AKR1C8: variants seen among roughly 807,000 people sequenced by gnomAD.
AKR1C8 encodes aldo-keto reductase family 1 member C8.
chr10:5,141,505 T>G, the AKR1C8 span, among the ~76,000 whole-genome samples: 1 of 152,172 alleles, frequency 6.6e-6, no homozygotes, highest in African/African-American at 2.4e-5. Flanking sequence ...TTTCCTAGAT[T>G]CATCAGAAGA....
chr10:5,166,565 T>G, the AKR1C8 span, among the ~76,000 whole-genome samples: 1 of 152,138 alleles, frequency 6.6e-6, no homozygotes, highest in East Asian at 1.9e-4. Flanking sequence ...TAAATGATGC[T>G]GGGAAAAGTG....
the AKR1C8 span, among the ~76,000 whole-genome samples, chr10:5,169,461 GATTA>G: frequency 2.0e-5 from 3 of 152,256 alleles, no homozygotes; most frequent in South Asian, 6.2e-4. Flanking sequence ...TTTTGGAAAA[GATTA>G]ATTAAGCTGG....
At chr10:5,143,725 T>TATA in the AKR1C8 span, among the ~76,000 whole-genome samples, 1 of 148,110 alleles carries the variant, frequency 6.8e-6, no homozygotes, top group Non-Finnish European at 1.5e-5. Context: ...ATATATATTA[T>TATA]ATATAATATC....
the AKR1C8 span, among the ~76,000 whole-genome samples, chr10:5,179,624 C>T: frequency 5.8e-4 from 86 of 147,730 alleles, no homozygotes; most frequent in African/African-American, 1.7e-3. Context: ...ACCAATCAGA[C>T]GTAGATTTGG....
At chr10:5,140,854 GA>G in the AKR1C8 span, among the ~76,000 whole-genome samples, 1 of 151,848 alleles carries the variant, frequency 6.6e-6, no homozygotes, top group African/African-American at 2.4e-5. Context: ...AAGAAAGAAA[GA>G]AATTATTCCC....
At chr10:5,130,529 A>G in the AKR1C8 span, among the ~76,000 whole-genome samples, 4 of 151,966 alleles carry the variant, frequency 2.6e-5, no homozygotes, top group Non-Finnish European at 2.9e-5. Context: ...ACAAAACCCT[A>G]AAGACTCATC....
chr10:5,155,897 T>G, the AKR1C8 span: 1 of 350,868 alleles, frequency 2.9e-6, no homozygotes, highest in South Asian at 2.4e-5. Flanking sequence ...CAGGTGCATG[T>G]GGCTTGAGAC....
chr10:5,181,412 G>C, the AKR1C8 span, among the ~76,000 whole-genome samples: 1 of 152,078 alleles, frequency 6.6e-6, no homozygotes, highest in Non-Finnish European at 1.5e-5. Flanking sequence ...AATGACTTAT[G>C]GTAATCTGAA....
chr10:5,175,496 T>G, the AKR1C8 span, among the ~76,000 whole-genome samples: 37,370 of 151,972 alleles, frequency 0.25, 4,758 homozygotes, highest in African/African-American at 0.29. Flanking sequence ...TACCCAGTAA[T>G]GGGATGGCTA....
At chr10:5,180,274 G>C in the AKR1C8 span, among the ~76,000 whole-genome samples, 1 of 152,330 alleles carries the variant, frequency 6.6e-6, no homozygotes, top group South Asian at 2.1e-4. Flanking sequence ...CCGCAGCAGA[G>C]ATTGCAGAAC....
chr10:5,133,302 T>C, the AKR1C8 span, among the ~76,000 whole-genome samples: 3 of 152,126 alleles, frequency 2.0e-5, no homozygotes, highest in South Asian at 2.1e-4. Flanking sequence ...TTCGCTATGT[T>C]GCCCAGGCTC....
the AKR1C8 span, among the ~76,000 whole-genome samples, chr10:5,170,778 A>G: frequency 6.6e-6 from 1 of 152,162 alleles, no homozygotes; most frequent in African/African-American, 2.4e-5. Flanking sequence ...CCTTGGTAAA[A>G]TAACCAGTTT....
the AKR1C8 span, chr10:5,123,307 G>A: frequency 7.9e-6 from 2 of 253,484 alleles, no homozygotes; most frequent in Admixed American, 4.2e-5. Flanking sequence ...GTTCATTGGA[G>A]CTCTTGACCA....
the AKR1C8 span, among the ~76,000 whole-genome samples, chr10:5,149,316 AATTT>A: frequency 6.6e-6 from 1 of 152,114 alleles, no homozygotes; most frequent in Non-Finnish European, 1.5e-5. Context: ...TGATAGAAAC[AATTT>A]ATTTGCAAAA....
At chr10:5,138,870 T>C in the AKR1C8 span, among the ~76,000 whole-genome samples, 8 of 152,102 alleles carry the variant, frequency 5.3e-5, no homozygotes, top group African/African-American at 1.9e-4. Context: ...AGTCAAATTG[T>C]CCCTGTTTGC....
the AKR1C8 span, among the ~76,000 whole-genome samples, chr10:5,136,294 T>C: frequency 6.6e-6 from 1 of 152,304 alleles, no homozygotes; most frequent in South Asian, 2.1e-4. Context: ...ACACCCGTAA[T>C]CCCAGCACTT....
the AKR1C8 span, among the ~76,000 whole-genome samples, chr10:5,173,441 G>A: frequency 6.6e-6 from 1 of 151,962 alleles, no homozygotes; most frequent in Admixed American, 6.6e-5. Flanking sequence ...AGGCTTGGAG[G>A]CAGGAGGAAC....
At chr10:5,173,490 G>A in the AKR1C8 span, among the ~76,000 whole-genome samples, 5 of 151,992 alleles carry the variant, frequency 3.3e-5, no homozygotes, top group Admixed American at 6.6e-5. Flanking sequence ...AGAAGCAGAT[G>A]CAAAGGCATG....
chr10:5,151,106 G>A, the AKR1C8 span, among the ~76,000 whole-genome samples: 1 of 152,052 alleles, frequency 6.6e-6, no homozygotes, highest in Non-Finnish European at 1.5e-5. Flanking sequence ...GTTCATGGGT[G>A]GGGGGCACAA....
Sources: gnomAD v4.1 joint callset for allele counts (sites outside exome capture counted in the v4.1 genomes callset) on GRCh38, gnomAD v4.1.1 for gene constraint, MANE v1.5 for transcripts, NCBI Gene and HGNC (gene_info 2026-07-23, HGNC 2026-07-21) for gene names.